Variants in GRM8 observed in about 807,000 individuals in gnomAD.
The protein encoded by GRM8 is metabotropic glutamate receptor 8.
Under a neutral mutation model 87.2 loss-of-function variants are expected in GRM8, and 47 were observed. That is an observed-to-expected ratio of 0.54 (90% CI 0.43 to 0.69). The LOEUF is 0.69. GRM8 is among the 30% of genes least tolerant of loss of function. The pLI, the probability that GRM8 is intolerant of heterozygous loss-of-function variation, is 0.00. For synonymous variants in GRM8, 396 were observed against 404.5 expected (o/e 0.98, Z 0.25); for missense variants, 1,019 against 1,139.2 (o/e 0.89, Z 1.52).
chr7:126,465,032 AT>A (rs1037643025), intron 9 of GRM8, among the ~76,000 whole-genome samples: 5 of 151,192 alleles, frequency 3.3e-5, no homozygotes, highest in African/African-American at 4.9e-5. Context: ...CTCCTAGCAT[AT>A]TTTTTTTGAT....
chr7:126,693,014 C>T (rs1029290277), intron 7 of GRM8, among the ~76,000 whole-genome samples: 3 of 152,290 alleles, frequency 2.0e-5, no homozygotes, highest in Middle Eastern at 3.4e-3. Context: ...CCCCACTTCA[C>T]TCTCCAAACC....
At chr7:126,915,352 C>T (rs1357688662) in intron 3 of GRM8, among the ~76,000 whole-genome samples, 1 of 152,172 alleles carries the variant, frequency 6.6e-6, no homozygotes, top group East Asian at 1.9e-4. Flanking sequence ...AAAACACCTG[C>T]TAGTTGTAAA....
chr7:126,472,089 TGA>T (rs1305171047), intron 9 of GRM8, among the ~76,000 whole-genome samples: 1 of 152,172 alleles, frequency 6.6e-6, no homozygotes, highest in Admixed American at 6.5e-5. Flanking sequence ...GATTTTGGGC[TGA>T]GACAATGGGG....
chr7:126,580,612 T>C (rs1330886855), intron 8 of GRM8, among the ~76,000 whole-genome samples: 1 of 152,166 alleles, frequency 6.6e-6, no homozygotes, highest in Non-Finnish European at 1.5e-5. Flanking sequence ...ATCAGATATA[T>C]ATGCTTTTGA....
At chr7:126,575,360 C>G (rs535561267) in intron 8 of GRM8, among the ~76,000 whole-genome samples, 2 of 151,580 alleles carry the variant, frequency 1.3e-5, no homozygotes, top group African/African-American at 4.8e-5. Flanking sequence ...GCTCAGGGCT[C>G]CCACTGATTC....
chr7:126,470,847 C>T (rs920464969), intron 9 of GRM8, among the ~76,000 whole-genome samples: 2 of 152,176 alleles, frequency 1.3e-5, no homozygotes, highest in African/African-American at 4.8e-5. Context: ...TCCTCTCCAG[C>T]ACCTGCTGTT....
chr7:126,527,530 T>C (rs949790964), intron 9 of GRM8, among the ~76,000 whole-genome samples: 1 of 152,072 alleles, frequency 6.6e-6, no homozygotes, highest in Non-Finnish European at 1.5e-5. Context: ...CAGCTGAAAA[T>C]TTTCCTCCAG....
chr7:127,016,390 A>C (rs1240348584), intron 3 of GRM8, among the ~76,000 whole-genome samples: 1 of 152,064 alleles, frequency 6.6e-6, no homozygotes, highest in Non-Finnish European at 1.5e-5. Flanking sequence ...TATGCATTCC[A>C]AAAACAACAC....
At chr7:127,124,941 C>T (rs1373271841) in intron 2 of GRM8, among the ~76,000 whole-genome samples, 3 of 152,038 alleles carry the variant, frequency 2.0e-5, no homozygotes, top group African/African-American at 7.2e-5. Flanking sequence ...CATCCATTCA[C>T]AAAATAGATA....
At chr7:126,749,713 A>T (rs548740175) in intron 7 of GRM8, among the ~76,000 whole-genome samples, 2 of 152,194 alleles carry the variant, frequency 1.3e-5, no homozygotes, top group East Asian at 3.9e-4. Context: ...AGGAATGGCT[A>T]ATAAGCTTAT....
chr7:126,828,372 T>C (rs1795027212), intron 6 of GRM8, among the ~76,000 whole-genome samples: 1 of 152,208 alleles, frequency 6.6e-6, no homozygotes, highest in Non-Finnish European at 1.5e-5. Context: ...AGCTATTGAT[T>C]ATTGCCACAA....
chr7:126,848,357 GA>G (rs1254922675), intron 6 of GRM8, among the ~76,000 whole-genome samples: 1 of 152,064 alleles, frequency 6.6e-6, no homozygotes, highest in Non-Finnish European at 1.5e-5. Flanking sequence ...AGTGCTCTAA[GA>G]AAAAGTACAC....
At chr7:126,748,930 T>C (rs1464812120) in intron 7 of GRM8, among the ~76,000 whole-genome samples, 2 of 152,122 alleles carry the variant, frequency 1.3e-5, no homozygotes, top group African/African-American at 4.8e-5. Context: ...TTAATATTGA[T>C]ATTTTTAAGA....
chr7:126,564,879 T>C (rs1328578698), intron 8 of GRM8, among the ~76,000 whole-genome samples: 1 of 152,188 alleles, frequency 6.6e-6, no homozygotes, highest in African/African-American at 2.4e-5. Context: ...TCATACACCA[T>C]GGCCAATTGG....
intron 3 of GRM8, among the ~76,000 whole-genome samples, chr7:127,059,082 G>T (rs145224082): frequency 5.3e-5 from 8 of 152,242 alleles, no homozygotes; most frequent in Non-Finnish European, 1.0e-4. Context: ...CTCTAATGAT[G>T]ATATGACAGA....
chr7:127,031,541 G>A (rs1323732955), intron 3 of GRM8, among the ~76,000 whole-genome samples: 1 of 151,686 alleles, frequency 6.6e-6, no homozygotes, highest in Admixed American at 6.6e-5. Flanking sequence ...CATTTTTATT[G>A]TATCTCTCTG....
intron 3 of GRM8, among the ~76,000 whole-genome samples, chr7:126,910,452 T>C (rs554849910): frequency 1.3e-5 from 2 of 152,262 alleles, no homozygotes; most frequent in African/African-American, 2.4e-5. Context: ...ACTGCTAGGA[T>C]AGAGAAATAC....
intron 7 of GRM8, among the ~76,000 whole-genome samples, chr7:126,735,790 G>A (rs1321656929): frequency 1.3e-5 from 2 of 152,030 alleles, no homozygotes; most frequent in African/African-American, 2.4e-5. Context: ...AACAAAGAGA[G>A]ACACAGAATA....
At chr7:126,475,400 A>G (rs62479311) in intron 9 of GRM8, among the ~76,000 whole-genome samples, 49,489 of 151,868 alleles carry the variant, frequency 0.33, 8,350 homozygotes, top group South Asian at 0.45. Context: ...TACATAGACA[A>G]AAGTTTAAGG....
Sources: gnomAD v4.1 joint callset for allele counts (sites outside exome capture counted in the v4.1 genomes callset) on GRCh38, gnomAD v4.1.1 for gene constraint, MANE v1.5 for transcripts, NCBI Gene and HGNC (gene_info 2026-07-23, HGNC 2026-07-21) for gene names.